Variants in CCNT1 observed in about 807,000 individuals in gnomAD.
The protein encoded by CCNT1 is cyclin T1, also known as cyclin-T1.
A neutral mutation model predicts 67.3 loss-of-function variants in CCNT1; 18 were observed. The observed-to-expected ratio is 0.27, with a 90% CI of 0.18 to 0.40. The LOEUF is 0.40. Among genes scored for constraint, CCNT1 ranks in the 10% least tolerant of loss-of-function variants. The pLI is 1.00. For missense variants in CCNT1, 744 were observed against 884.9 expected (o/e 0.84, Z 2.02); for synonymous variants, 333 against 310.3 (o/e 1.07, Z -0.77).
At chr12:48,705,284 G>T (rs112803046) in intron 3 of CCNT1, among the ~76,000 whole-genome samples, 2,256 of 144,856 alleles carry the variant, frequency 0.016, 53 homozygotes, top group African/African-American at 0.053. Context: ...GTTGTTTTTT[G>T]TTGTTGTTGT....
intron 1 of CCNT1, among the ~76,000 whole-genome samples, chr12:48,716,239 G>T (rs1940530158): frequency 6.6e-6 from 1 of 152,222 alleles, no homozygotes; most frequent in African/African-American, 2.4e-5. Context: ...ACACAATGAA[G>T]ACAGAGTTGG....
chr12:48,693,405 G>A lies in CCNT1; in HGVS notation c.1809C>T (p.Ser603=), dbSNP rs1464250236. 1.2e-6 allele frequency: 2 copies of A among 1,614,214 alleles called. No individual in the cohort carries two copies. The highest frequency in any genetic ancestry group is 2.2e-5 in the East Asian group (1 of 44,890). ...KSTKSSSLNF[S]FPSLPTMGQM... ...GACCCATTGTAGGAAGTGAAGGGAA[G>A]GAGAAATTTAGGGAAGAGGATTTAG... Residue 603 remains serine (S), a synonymous_variant, in exon 9 of 9, where the codon TCC becomes TCT. Transcript: ENST00000261900.
intron 5 of CCNT1, 28 bp from the exon 6 acceptor site, chr12:48,698,211 TG>T: frequency 3.7e-6 from 5 of 1,360,416 alleles, no homozygotes; most frequent in South Asian, 1.4e-5. Context: ...AAGTCAGGGG[TG>T]GGGGAGGAAA....
At chr12:48,700,721 T>C (rs1940251676) in intron 4 of CCNT1, among the ~76,000 whole-genome samples, 1 of 152,234 alleles carries the variant, frequency 6.6e-6, no homozygotes, top group Admixed American at 6.5e-5. Flanking sequence ...ATTCTTTAGA[T>C]AGTTTTTATA....
At chr12:48,709,003 G>A (rs1940407812) in intron 2 of CCNT1, among the ~76,000 whole-genome samples, 1 of 152,132 alleles carries the variant, frequency 6.6e-6, no homozygotes, top group Non-Finnish European at 1.5e-5. Flanking sequence ...CTTGAGCCCA[G>A]GACATGGAGG....
At chr12:48,701,592 G>A (rs139444823) in intron 3 of CCNT1, among the ~76,000 whole-genome samples, 2,494 of 151,680 alleles carry the variant, frequency 0.016, 31 homozygotes, top group Non-Finnish European at 0.024. Flanking sequence ...TTAAAAGTAT[G>A]TATTTTTTGC....
At chr12:48,699,032 G>GT (rs1218564373) in intron 5 of CCNT1, among the ~76,000 whole-genome samples, 187 of 151,832 alleles carry the variant, frequency 1.2e-3, no homozygotes, top group African/African-American at 4.4e-3. Context: ...ATCAAATAAT[G>GT]TAATATATTA....
intron 3 of CCNT1, 175 bp downstream of exon 3, chr12:48,705,593 A>G (rs1940344338): frequency 1.6e-6 from 1 of 616,584 alleles, no homozygotes; most frequent in African/African-American, 1.9e-5. Flanking sequence ...CTTACTGTTA[A>G]GAAAAACACA....
Position 48,693,680 on chromosome 12 carries a change from T to G in CCNT1, c.1534A>C (p.Thr512Pro). ...TGATGATGATGATTAGATGGGTGAG[T>G]CTTGTGCTTTTCTTTGTGCTCTCGG... ...KSREHKEKHK[T>P]HPSNHHHHHN... Residue 512 changes from threonine (T) to proline (P), a missense_variant, in exon 9 of 9, where the codon ACT becomes CCT. Coordinates refer to ENST00000261900, the MANE Select transcript of CCNT1 (RefSeq NM_001240.4). 3 of 1,613,906 alleles carry G rather than the reference T, an allele frequency of 1.9e-6. No individual in the cohort carries two copies. The highest frequency in any genetic ancestry group is 2.5e-6 in the Non-Finnish European group (3 of 1,179,970).
intron 2 of CCNT1, among the ~76,000 whole-genome samples, chr12:48,713,903 G>GT (rs113760996): frequency 0.012 from 1,893 of 151,650 alleles, 47 homozygotes; most frequent in African/African-American, 0.044. Flanking sequence ...GTTTTTTGGG[G>GT]TTTTTTTTGA....
chr12:48,703,731 TCGAGAG>T (rs988792385), intron 3 of CCNT1, among the ~76,000 whole-genome samples: 34 of 151,718 alleles, frequency 2.2e-4, no homozygotes, highest in African/African-American at 8.2e-4. Context: ...GCTCAGGAGG[TCGAGAG>T]CAGCCTGGGC....
At chr12:48,694,699 C>T (rs1940141920) in intron 8 of CCNT1, among the ~76,000 whole-genome samples, 1 of 152,232 alleles carries the variant, frequency 6.6e-6, no homozygotes, top group Admixed American at 6.5e-5. Context: ...CATACATGAA[C>T]ATCCATGCCT....
At chr12:48,703,465 C>T (rs112690566) in intron 3 of CCNT1, among the ~76,000 whole-genome samples, 1,880 of 151,658 alleles carry the variant, frequency 0.012, 44 homozygotes, top group African/African-American at 0.044. Flanking sequence ...CCCAGCTACT[C>T]GGGAGGCTGA....
chr12:48,693,858 C>T lies in CCNT1; in HGVS notation c.1356G>A (p.Leu452=), dbSNP rs748625270. 6.2e-7 allele frequency: 1 copy of T among 1,613,940 alleles called. No individual in the cohort carries two copies. Reference sequence around the variant, plus strand: ...TGAGAGCTGTTTTGTCAGCCTTTTCCAGAAAAGGCCGCTCGGGGTTTTCTG... The same window carrying T: ...TGAGAGCTGTTTTGTCAGCCTTTTCTAGAAAAGGCCGCTCGGGGTTTTCTG... ...EGSENPERPF[L]EKADKTALKM... The change falls in exon 9 of 9, where the codon CTG becomes CTA. Residue 452 remains leucine (L), a synonymous_variant. Coordinates refer to ENST00000261900, the MANE Select transcript of CCNT1 (RefSeq NM_001240.4).
chr12:48,703,381 C>T (rs1205407655), intron 3 of CCNT1, among the ~76,000 whole-genome samples: 1 of 151,718 alleles, frequency 6.6e-6, no homozygotes, highest in Non-Finnish European at 1.5e-5. Context: ...CGAGACCAGC[C>T]TGACCAACAT....
chr12:48,710,215 A>C (rs1428408615), intron 2 of CCNT1, among the ~76,000 whole-genome samples: 3 of 151,944 alleles, frequency 2.0e-5, no homozygotes, highest in East Asian at 1.9e-4. Flanking sequence ...TAATAAGAAA[A>C]ACACACACAC....
At chr12:48,701,773 AT>A in intron 3 of CCNT1, among the ~76,000 whole-genome samples, 1 of 147,310 alleles carries the variant, frequency 6.8e-6, no homozygotes, top group South Asian at 2.2e-4. Context: ...CACCCAGCTA[AT>A]TTTGTATTTT....
intron 6 of CCNT1, among the ~76,000 whole-genome samples, chr12:48,697,575 C>T (rs1287768641): frequency 6.9e-6 from 1 of 144,096 alleles, no homozygotes; most frequent in African/African-American, 2.6e-5. Context: ...AATCCCAGCA[C>T]TTTGGGAGGC....
chr12:48,693,580 G>A lies in CCNT1; in HGVS notation c.1634C>T (p.Pro545Leu). 1.2e-6 allele frequency: 2 copies of A among 1,614,054 alleles called. No individual in the cohort carries two copies. Among genetic ancestry groups the A allele is most frequent in the Non-Finnish European group, 8.5e-7 (1 of 1,180,016 alleles). ...GTTGCTTGTCTGGCTACTATGTTTT[G>A]GATCACCAGGACGTTTGTTCCCAGT... ...VGTGNKRPGD[P>L]KHSSQTSNLA... Residue 545 changes from proline (P) to leucine (L), a missense_variant, in exon 9 of 9, where the codon CCA (proline) becomes CTA (leucine). This residue lies in a region of CCNT1 where 564 missense variants were observed against 574.2 expected (regional missense o/e 0.98). Transcript: ENST00000261900.
Sources: allele counts gnomAD v4.1 joint callset (sites outside exome capture counted in the v4.1 genomes callset), GRCh38; gene constraint gnomAD v4.1.1; regional missense constraint gnomAD v4.1.1; transcripts MANE v1.5; gene names NCBI Gene and HGNC (gene_info 2026-07-23, HGNC 2026-07-21).